The following ATP2B3 variants were observed in gnomAD, a reference collection of about 807,000 sequenced individuals.
The protein encoded by ATP2B3 is ATPase plasma membrane Ca2+ transporting 3.
In ATP2B3, 12 loss-of-function variants were observed where a neutral mutation model predicts 70.8. The ratio of observed to expected loss-of-function variants is 0.17; its 90% CI spans 0.11 to 0.27. The LOEUF is 0.27. Among genes scored for constraint, ATP2B3 ranks in the 10% least tolerant of loss-of-function variants. The pLI is 1.00. For missense variants in ATP2B3, 858 were observed against 1,118.5 expected, an observed-to-expected ratio of 0.77 and a Z score of 3.32; for synonymous variants, 460 against 497.8, an observed-to-expected ratio of 0.92 and a Z score of 1.01.
chrX:153,518,104 C>T lies in ATP2B3; in HGVS notation c.-247+229C>T, dbSNP rs2089903571. Reference sequence around the variant, plus strand: ...CCAGGCCGGCGGGCAGCGCCCCGCACCCTGCACCCTGCGCCCCGCATCGCG... The same window carrying T: ...CCAGGCCGGCGGGCAGCGCCCCGCATCCTGCACCCTGCGCCCCGCATCGCG... On this transcript the variant is annotated intron_variant, in intron 1 of 21. Coordinates refer to ENST00000263519, the MANE Select transcript of ATP2B3 (RefSeq NM_001001344.3). 2.7e-5 allele frequency among the ~76,000 whole-genome samples: 3 copies of T among 112,042 alleles called. No individual in the cohort carries two copies. In the South Asian group the frequency reaches 1.1e-3, roughly 40 times the overall value.
chrX:153,557,009 G>A lies in ATP2B3; in HGVS notation c.2419G>A (p.Val807Met). The A allele has an allele frequency of 1.7e-6, 2 of 1,183,468 alleles. No homozygotes were observed. Among genetic ancestry groups the A allele is most frequent in the Non-Finnish European group, 2.3e-6 (2 of 880,899 alleles). The change falls in exon 16 of 22, where the codon GTG (valine) becomes ATG (methionine). Residue 807 changes from valine (V) to methionine (M), a missense_variant. Val to Met is a conservative substitution (Grantham distance 21). Coordinates refer to ENST00000263519, the MANE Select transcript of ATP2B3 (RefSeq NM_001001344.3). ...NDGPALKKAD[V>M]GFAMGIAGTD... ...TGGGCCGGCCCTCAAGAAGGCGGAC[G>A]TGGGCTTCGCCATGGTAAGCCACCT...
At chrX:153,540,415 T>C (rs1232854565) in intron 3 of ATP2B3, among the ~76,000 whole-genome samples, 1 of 112,398 alleles carries the variant, frequency 8.9e-6, no homozygotes, top group East Asian at 2.8e-4. Flanking sequence ...TCTCCTCGCG[T>C]GACACCGTTC....
chrX:153,546,690 C>G (rs950444571), intron 8 of ATP2B3, among the ~76,000 whole-genome samples: 1 of 113,086 alleles, frequency 8.8e-6, no homozygotes, highest in Non-Finnish European at 1.9e-5. Context: ...GGAGGCCAGC[C>G]GTGGCCCACG....
intron 2 of ATP2B3, among the ~76,000 whole-genome samples, chrX:153,520,923 T>A (rs1556997659): frequency 1.8e-5 from 2 of 112,495 alleles, no homozygotes; most frequent in African/African-American, 6.5e-5. Context: ...CTCTGCCCCG[T>A]CTACCCACTG....
rs187810764 is a variant in ATP2B3, at chrX:153,572,262, C to T, written c.3342+7159C>T. On this transcript the variant is annotated intron_variant, in intron 21 of 21. Transcript: ENST00000263519. ...GCTGCCCCAACTAGGCCTGCAGGGG[C>T]GTCGAGTCACGTGGTTTCCTAAGGC... is the stretch of plus-strand genomic sequence containing the variant. Among the ~76,000 whole-genome samples the T allele has an allele frequency of 2.7e-5, 3 of 112,842 alleles. No individual in the cohort carries two copies. In the East Asian group the frequency reaches 8.4e-4, roughly 32 times the overall value.
At chrX:153,555,086 CAG>C (rs1283503154) in intron 13 of ATP2B3, among the ~76,000 whole-genome samples, 2 of 111,932 alleles carry the variant, frequency 1.8e-5, no homozygotes, top group Admixed American at 1.9e-4. Flanking sequence ...CCAAGATCCT[CAG>C]AGAGTACGAA....
At chrX:153,575,275 G>A (rs1425939704) in intron 21 of ATP2B3, among the ~76,000 whole-genome samples, 5 of 112,816 alleles carry the variant, frequency 4.4e-5, no homozygotes, top group African/African-American at 1.3e-4. Context: ...TGGGTGCAGC[G>A]AGCCAGACAG....
intron 2 of ATP2B3, among the ~76,000 whole-genome samples, chrX:153,526,309 G>A (rs1442821210): frequency 9.0e-6 from 1 of 111,335 alleles, no homozygotes; most frequent in African/African-American, 3.3e-5. Context: ...AGGAGCAGCT[G>A]GTGGTGGGAG....
At chrX:153,561,966 G>A (rs1557016481) in intron 19 of ATP2B3, among the ~76,000 whole-genome samples, 169 bp from the exon 20 acceptor site, 2 of 112,623 alleles carry the variant, frequency 1.8e-5, no homozygotes, top group African/African-American at 6.4e-5. Flanking sequence ...GGCGCTGGGG[G>A]CCATGCACTG....
At chrX:153,574,483 G>A (rs1316612620) in intron 21 of ATP2B3, among the ~76,000 whole-genome samples, 1 of 111,660 alleles carries the variant, frequency 9.0e-6, no homozygotes, top group African/African-American at 3.3e-5. Flanking sequence ...CTGAGACTGA[G>A]CAGAGAGCAT....
chrX:153,569,285 T>C (rs2090754541), intron 21 of ATP2B3: 1 of 516,442 alleles, frequency 1.9e-6, no homozygotes, highest in African/African-American at 2.3e-5. Context: ...AACTATGAAG[T>C]ACTTCCTGAT....
intron 12 of ATP2B3, 151 bp downstream of exon 12, chrX:153,550,437 G>C: frequency 1.1e-6 from 1 of 913,023 alleles, no homozygotes. Flanking sequence ...TCATGCAACC[G>C]TCACCACTAC....
intron 2 of ATP2B3, among the ~76,000 whole-genome samples, 186 bp from the exon 3 acceptor site, chrX:153,535,936 G>A (rs782259237): frequency 8.8e-6 from 1 of 113,085 alleles, no homozygotes; most frequent in African/African-American, 3.2e-5. Context: ...GGCAGGACCC[G>A]GGAGTGGCCT....
chrX:153,525,335 G>A (rs1027204080), intron 2 of ATP2B3, among the ~76,000 whole-genome samples: 1 of 112,256 alleles, frequency 8.9e-6, no homozygotes, highest in African/African-American at 3.2e-5. Context: ...CACAGATTGC[G>A]GGCCAGGGGT....
At chrX:153,560,985 A>G in intron 19 of ATP2B3, 98 bp downstream of exon 19, 3 of 1,003,740 alleles carry the variant, frequency 3.0e-6, no homozygotes, top group Non-Finnish European at 4.1e-6. Flanking sequence ...TGGCCTCCCC[A>G]CCTCCACTCC....
chrX:153,568,867 T>A (rs782811831), intron 21 of ATP2B3, among the ~76,000 whole-genome samples: 4 of 112,669 alleles, frequency 3.6e-5, no homozygotes, highest in African/African-American at 1.3e-4. Context: ...ATGCGCACAC[T>A]GGCTTTGCTG....
chrX:153,518,060 C>A (rs1207045727), intron 1 of ATP2B3, among the ~76,000 whole-genome samples, 185 bp downstream of exon 1: 3 of 111,093 alleles, frequency 2.7e-5, no homozygotes, highest in Non-Finnish European at 5.7e-5. Flanking sequence ...GCACTGCGGC[C>A]GCGCGTCACC....
chrX:153,544,198 C>T (rs1277472874), intron 7 of ATP2B3, among the ~76,000 whole-genome samples: 1 of 112,311 alleles, frequency 8.9e-6, no homozygotes, highest in Admixed American at 9.3e-5. Flanking sequence ...AGATGGGCAG[C>T]CCTGGGCCTC....
At chrX:153,548,264 G>C (rs2090400911) in intron 9 of ATP2B3, among the ~76,000 whole-genome samples, 1 of 99,227 alleles carries the variant, frequency 1.0e-5, no homozygotes, top group Non-Finnish European at 2.2e-5. Context: ...CCCTACCCAA[G>C]GCTCCAGGCT....
Sources: gnomAD v4.1 joint callset for allele counts (sites outside exome capture counted in the v4.1 genomes callset) on GRCh38, gnomAD v4.1.1 for gene constraint, MANE v1.5 for transcripts, NCBI Gene and HGNC (gene_info 2026-07-23, HGNC 2026-07-21) for gene names.